The following TSBP1 variants were observed in gnomAD, a reference collection of about 807,000 sequenced individuals.
TSBP1 encodes testis-expressed basic protein 1.
Under a neutral mutation model 68.8 loss-of-function variants are expected in TSBP1, and 56 were observed. The ratio of observed to expected loss-of-function variants is 0.81; its 90% CI spans 0.66 to 1.02. The LOEUF is 1.02. TSBP1 is among the 50% of genes least tolerant of loss of function. TSBP1 has a pLI of 0.00. For missense variants in TSBP1, 502 were observed against 641.2 expected (o/e 0.78, Z 2.34); for synonymous variants, 171 against 208.7 (o/e 0.82, Z 1.56).
chr6:32,352,464 A>T (rs1308674655), intron 8 of TSBP1, among the ~76,000 whole-genome samples: 1 of 151,918 alleles, frequency 6.6e-6, no homozygotes, highest in African/African-American at 2.4e-5. Context: ...AAGGAATTCT[A>T]ATATACCAGC....
intron 18 of TSBP1, among the ~76,000 whole-genome samples, chr6:32,320,992 C>T (rs926932731): frequency 3.3e-5 from 5 of 152,114 alleles, no homozygotes; most frequent in Admixed American, 2.0e-4. Flanking sequence ...TAGATCCATC[C>T]GTGTTCCAGC....
At chr6:32,322,497 T>C (rs1767748025) in intron 18 of TSBP1, 5 of 1,603,514 alleles carry the variant, frequency 3.1e-6, no homozygotes, top group African/African-American at 1.3e-5. Flanking sequence ...TGCGGTTCTC[T>C]GTGAAATTAC....
chr6:32,330,674 A>ACACACACT (rs549721169), intron 15 of TSBP1, 65 bp from the exon 17 acceptor site: 10 of 1,429,692 alleles, frequency 7.0e-6, no homozygotes, highest in South Asian at 2.7e-5. Context: ...ACACACACAC[A>ACACACACT]CTTCTATTTT....
Position 32,300,270 on chromosome 6 carries a change from T to A in TSBP1, c.623-334A>T, listed in dbSNP as rs138644177. Among the ~76,000 whole-genome samples, 1,016 of 152,364 alleles carry A rather than the reference T, an allele frequency of 6.7e-3. 18 individuals are homozygous for A. Among genetic ancestry groups the A allele is most frequent in the East Asian group, 0.02 (102 of 5,190 alleles). On this transcript the variant is annotated intron_variant, in intron 21 of 22. Transcript: ENST00000612031. ...CTGCAAAACAGTTTTTTGCTCACTGTTCTGGTCCGTTTGAAAAATGTATAT... is the reference window on the plus strand; with the variant it reads ...CTGCAAAACAGTTTTTTGCTCACTGATCTGGTCCGTTTGAAAAATGTATAT...
intron 19 of TSBP1, among the ~76,000 whole-genome samples, chr6:32,310,761 A>ATATATATTTTTTTTTTTTTTTTTTTT: frequency 4.1e-5 from 6 of 144,804 alleles, no homozygotes; most frequent in East Asian, 4.0e-4. Context: ...ATATATATAT[A>ATATATATTTTTTTTTTTTTTTTTTTT]TTTTTAATCT....
intron 6 of TSBP1, among the ~76,000 whole-genome samples, chr6:32,364,625 T>G (rs1583181184): frequency 6.6e-6 from 1 of 152,300 alleles, no homozygotes; most frequent in East Asian, 1.9e-4. Flanking sequence ...GTTCTTGTGT[T>G]GTTTTCCTGA....
chr6:32,349,861 T>G, intron 8 of TSBP1, 101 bp from the exon 9 acceptor site: 1 of 1,262,292 alleles, frequency 7.9e-7, no homozygotes. Flanking sequence ...GAAAAGAGGA[T>G]AGAAATGAGT....
chr6:32,329,894 G>A (rs1768729475), intron 16 of TSBP1, among the ~76,000 whole-genome samples: 1 of 152,152 alleles, frequency 6.6e-6, no homozygotes, highest in Non-Finnish European at 1.5e-5. Flanking sequence ...TCCCTAGCTC[G>A]TCACAATATG....
chr6:32,339,878 A>G (rs1451093729), intron 9 of TSBP1, among the ~76,000 whole-genome samples: 1 of 152,170 alleles, frequency 6.6e-6, no homozygotes, highest in African/African-American at 2.4e-5. Context: ...TCTTACCTAT[A>G]TTGTGAAGTT....
In TSBP1 at chr6:32,325,807, G is replaced by C; in HGVS notation, c.515-2193C>G. Reference sequence around the variant, plus strand: ...TCCATCCAGCCGAAGAGGTCGAAGTGGTTCTGGAAACTTAGGTGGTGGTCA... The same window carrying C: ...TCCATCCAGCCGAAGAGGTCGAAGTCGTTCTGGAAACTTAGGTGGTGGTCA... On this transcript the variant is annotated intron_variant, in intron 16 of 22. Transcript: ENST00000612031. The surrounding 1 kb of genome is among the most constrained non-coding windows in gnomAD (Gnocchi z 4.4). 1 of 1,258,004 alleles carries C rather than the reference G, an allele frequency of 7.9e-7. No homozygotes were observed. Among genetic ancestry groups the C allele is most frequent in the Non-Finnish European group, 1.1e-6 (1 of 870,582 alleles). The allele number at this position is 1,258,004 out of a possible 1,614,324, so 77.9% of individuals were successfully genotyped here.
At chr6:32,320,345 A>C in intron 18 of TSBP1, 2 of 395,862 alleles carry the variant, frequency 5.1e-6, no homozygotes, top group Non-Finnish European at 1.0e-5. Flanking sequence ...CTCTGTTTTC[A>C]TGCCTGGGGC....
chr6:32,295,239 G>A (rs1232099188), intron 22 of TSBP1, among the ~76,000 whole-genome samples: 3 of 151,348 alleles, frequency 2.0e-5, no homozygotes. Flanking sequence ...ATGAGGCTGA[G>A]GCAGGAGAAT....
chr6:32,315,005 CT>C lies in TSBP1; in HGVS notation c.580+766del. ...TGACCTGCCTGGGCTCTTTTGGCAT[CT>C]GCGTTTTTAACCTTGACAGGAACTT... On this transcript the variant is annotated intron_variant, in intron 19 of 22. Transcript: ENST00000612031. The surrounding 1 kb of genome is among the most constrained non-coding windows in gnomAD (Gnocchi z 5.4). 6.6e-6 allele frequency among the ~76,000 whole-genome samples: 1 copy of C among 152,154 alleles called. No individual in the cohort carries two copies.
At chr6:32,305,892 T>C (rs1765737177) in intron 19 of TSBP1, among the ~76,000 whole-genome samples, 1 of 152,224 alleles carries the variant, frequency 6.6e-6, no homozygotes, top group African/African-American at 2.4e-5. Context: ...GTTGCAGTGC[T>C]TGCAAGCAAG....
intron 19 of TSBP1, among the ~76,000 whole-genome samples, chr6:32,307,325 T>C (rs897983606): frequency 2.6e-5 from 4 of 152,192 alleles, no homozygotes; most frequent in Non-Finnish European, 5.9e-5. Flanking sequence ...AACCTGTGGA[T>C]TATTTGGATG....
Position 32,338,306 on chromosome 6 carries a change from G to A in TSBP1, c.409+673C>T, listed in dbSNP as rs1049037784. ...GAGACTCTGCATATCTAAAACTCCAGGGTGACGTTGATGCAGGCCCTTGGA... is the reference window on the plus strand; with the variant it reads ...GAGACTCTGCATATCTAAAACTCCAAGGTGACGTTGATGCAGGCCCTTGGA... On this transcript the variant is annotated intron_variant, in intron 11 of 22. Transcript: ENST00000612031. The surrounding 1 kb of genome is among the most constrained non-coding windows in gnomAD (Gnocchi z 5.5). Among the ~76,000 whole-genome samples, 6 of 152,166 alleles carry A rather than the reference G, an allele frequency of 3.9e-5. 1 individual carries two copies. In the East Asian group the frequency reaches 1.2e-3, roughly 29 times the overall value.
intron 6 of TSBP1, among the ~76,000 whole-genome samples, chr6:32,358,367 C>T (rs1487818563): frequency 6.6e-6 from 1 of 152,110 alleles, no homozygotes; most frequent in Non-Finnish European, 1.5e-5. Context: ...TTTTATTGCA[C>T]AAGTCATATC....
At position 32,361,420 on chromosome 6, in the gene TSBP1, G is replaced by A. The variant is rs908057856; in HGVS notation, c.217+4747C>T. Among the ~76,000 whole-genome samples the A allele has an allele frequency of 4.6e-5, 7 of 152,066 alleles. No homozygotes were observed. Among genetic ancestry groups the A allele is most frequent in the Admixed American group, 6.5e-5 (1 of 15,272 alleles). On this transcript the variant is annotated intron_variant, in intron 6 of 22. Coordinates refer to ENST00000612031, the Ensembl canonical transcript of TSBP1. This position sits in a 1 kb window ranked among gnomAD's most constrained non-coding sequence, Gnocchi z 4.3. ...AATAATGAGATGGCTGGGTCAAATG[G>A]TATTTCTAGTTCTAGATCCTTGAGG...
chr6:32,324,778 T>C, intron 16 of TSBP1: 2 of 1,480,908 alleles, frequency 1.4e-6, no homozygotes, highest in South Asian at 2.5e-5. Flanking sequence ...TATACTTGCT[T>C]GAACATTTTT....
Sources: gnomAD v4.1 joint callset for allele counts (sites outside exome capture counted in the v4.1 genomes callset) on GRCh38, gnomAD v4.1.1 for gene constraint, Gnocchi (gnomAD v3.1) non-coding constraint, MANE v1.5 for transcripts, NCBI Gene and HGNC (gene_info 2026-07-23, HGNC 2026-07-21) for gene names.